The following DCC variants were observed in gnomAD, a reference collection of about 807,000 sequenced individuals.
DCC encodes DCC netrin 1 receptor.
DCC carries 58 observed loss-of-function variants against 172.5 expected under a neutral mutation model. The observed-to-expected ratio is 0.34, with a 90% CI of 0.27 to 0.42. DCC has a LOEUF of 0.42. Ranked by LOEUF, DCC falls within the 10% of genes least tolerant of loss-of-function variation. The pLI is 1.00. For synonymous variants in DCC, 709 were observed against 644.5 expected, an observed-to-expected ratio of 1.10 and a Z score of -1.52; for missense variants, 1,740 against 1,791.0, an observed-to-expected ratio of 0.97 and a Z score of 0.51.
At chr18:53,155,829 C>G (rs527727516) in intron 7 of DCC, among the ~76,000 whole-genome samples, 1 of 152,200 alleles carries the variant, frequency 6.6e-6, no homozygotes, top group Non-Finnish European at 1.5e-5. Flanking sequence ...GAGATCAAGA[C>G]CAGCCTGGCC....
intron 5 of DCC, among the ~76,000 whole-genome samples, chr18:53,054,022 A>G (rs906599475): frequency 1.1e-4 from 16 of 152,122 alleles, no homozygotes; most frequent in Admixed American, 5.2e-4. Context: ...ATCTAGGTCT[A>G]GGATCTCCTG....
chr18:52,429,303 A>T, intron 1 of DCC, among the ~76,000 whole-genome samples: 1 of 152,140 alleles, frequency 6.6e-6, no homozygotes, highest in East Asian at 1.9e-4. Flanking sequence ...ATCGAAGTAC[A>T]CAGCTGGTAG....
At chr18:53,460,066 A>G (rs921904721) in intron 24 of DCC, among the ~76,000 whole-genome samples, 1 of 150,346 alleles carries the variant, frequency 6.7e-6, no homozygotes, top group Non-Finnish European at 1.5e-5. Flanking sequence ...GAAAAAAAAA[A>G]AAAAAAAAAG....
chr18:53,057,230 T>C (rs1481624228), intron 5 of DCC, among the ~76,000 whole-genome samples: 20 of 152,040 alleles, frequency 1.3e-4, no homozygotes, highest in Non-Finnish European at 1.6e-4. Context: ...ACAGAAGAAA[T>C]TTCATTGTAC....
At chr18:53,515,476 G>C (rs1212060638) in intron 27 of DCC, among the ~76,000 whole-genome samples, 3 of 149,706 alleles carry the variant, frequency 2.0e-5, no homozygotes, top group Non-Finnish European at 3.0e-5. Flanking sequence ...AGGAAATAAA[G>C]GGTATTCAAT....
chr18:52,389,532 G>C (rs1420944715), intron 1 of DCC, among the ~76,000 whole-genome samples: 2 of 152,080 alleles, frequency 1.3e-5, no homozygotes, highest in African/African-American at 4.8e-5. Context: ...CCTGTCAATA[G>C]TGATGAGATT....
intron 8 of DCC, among the ~76,000 whole-genome samples, chr18:53,178,528 A>G (rs2055144264): frequency 6.6e-6 from 1 of 152,198 alleles, no homozygotes; most frequent in East Asian, 1.9e-4. Context: ...GCATAAATGC[A>G]TTTGTTGGCA....
At chr18:52,353,991 G>T (rs1017958027) in intron 1 of DCC, among the ~76,000 whole-genome samples, 2 of 152,154 alleles carry the variant, frequency 1.3e-5, no homozygotes, top group African/African-American at 4.8e-5. Flanking sequence ...TATAGCTTAG[G>T]AAAGATAATT....
At chr18:53,066,479 G>C (rs1294629249) in intron 7 of DCC, among the ~76,000 whole-genome samples, 1 of 146,768 alleles carries the variant, frequency 6.8e-6, no homozygotes, top group East Asian at 2.0e-4. Flanking sequence ...ATGAATAATA[G>C]GGCCTCTGCT....
At chr18:52,608,549 G>A (rs1425494448) in intron 1 of DCC, among the ~76,000 whole-genome samples, 1 of 152,162 alleles carries the variant, frequency 6.6e-6, no homozygotes, top group Non-Finnish European at 1.5e-5. Flanking sequence ...AGATATAGTA[G>A]TGTGAAAGAG....
At chr18:53,472,664 T>C (rs1021759199) in intron 25 of DCC, among the ~76,000 whole-genome samples, 2 of 152,154 alleles carry the variant, frequency 1.3e-5, no homozygotes, top group Admixed American at 6.5e-5. Flanking sequence ...CTCAACTCTT[T>C]TATGTCTTCT....
At chr18:53,468,772 A>G (rs139095899) in intron 25 of DCC, among the ~76,000 whole-genome samples, 1 of 152,124 alleles carries the variant, frequency 6.6e-6, no homozygotes, top group Non-Finnish European at 1.5e-5. Context: ...ACAGACACCC[A>G]CTTACTACAC....
intron 1 of DCC, among the ~76,000 whole-genome samples, chr18:52,464,074 A>G (rs1258732998): frequency 1.3e-5 from 2 of 152,126 alleles, no homozygotes; most frequent in Admixed American, 1.3e-4. Context: ...TTTTATGTAT[A>G]TGTGTTTGGT....
intron 7 of DCC, among the ~76,000 whole-genome samples, chr18:53,129,536 C>T (rs1193389140): frequency 6.6e-6 from 1 of 152,088 alleles, no homozygotes; most frequent in Non-Finnish European, 1.5e-5. Context: ...AACACCATTG[C>T]ATAGTTTTAT....
At chr18:53,272,728 G>GA (rs1303708506) in intron 12 of DCC, among the ~76,000 whole-genome samples, 1 of 152,130 alleles carries the variant, frequency 6.6e-6, no homozygotes, top group East Asian at 1.9e-4. Flanking sequence ...TCATTGTAAG[G>GA]AAAAGAGTGT....
chr18:52,899,043 C>A (rs74502735), intron 2 of DCC, among the ~76,000 whole-genome samples: 22,639 of 152,188 alleles, frequency 0.15, 2,190 homozygotes, highest in South Asian at 0.38. Context: ...CTCTCCACAC[C>A]TCACCACCTC....
chr18:53,031,270 A>G (rs947923037), intron 5 of DCC, among the ~76,000 whole-genome samples: 4 of 152,168 alleles, frequency 2.6e-5, no homozygotes, highest in Admixed American at 2.0e-4. Context: ...ATAAAATAAA[A>G]TAAAATATTC....
chr18:52,776,537 G>A (rs1179424279), intron 2 of DCC, among the ~76,000 whole-genome samples: 1 of 152,094 alleles, frequency 6.6e-6, no homozygotes, highest in Non-Finnish European at 1.5e-5. Flanking sequence ...TAAATGGAGG[G>A]GAAGGACGTT....
intron 26 of DCC, among the ~76,000 whole-genome samples, chr18:53,492,327 G>C (rs1049905180): frequency 6.6e-6 from 1 of 152,036 alleles, no homozygotes; most frequent in African/African-American, 2.4e-5. Context: ...CCTTTTGTCA[G>C]TTTTGGCTTT....
Sources: allele counts gnomAD v4.1 joint callset (sites outside exome capture counted in the v4.1 genomes callset), GRCh38; gene constraint gnomAD v4.1.1; transcripts MANE v1.5; gene names NCBI Gene and HGNC (gene_info 2026-07-23, HGNC 2026-07-21).